Variants in CARMIL1 observed in about 807,000 individuals in gnomAD.
CARMIL1 encodes capping protein regulator and myosin 1 linker 1.
CARMIL1 carries 90 observed loss-of-function variants against 177.1 expected under a neutral mutation model. The ratio of observed to expected loss-of-function variants is 0.51; its 90% CI spans 0.43 to 0.61. CARMIL1 has a LOEUF of 0.61. Among genes scored for constraint, CARMIL1 ranks in the 20% least tolerant of loss-of-function variants. CARMIL1 has a pLI of 0.00. For missense variants in CARMIL1, 1,380 were observed against 1,667.0 expected, an observed-to-expected ratio of 0.83 and a Z score of 3.00; for synonymous variants, 577 against 606.2, an observed-to-expected ratio of 0.95 and a Z score of 0.71.
At chr6:25,609,953 T>A in intron 35 of CARMIL1, 97 bp from the exon 36 acceptor site, 3 of 1,360,314 alleles carry the variant, frequency 2.2e-6, no homozygotes, top group Non-Finnish European at 2.9e-6. Context: ...GCTTTATTTT[T>A]TTAAATGACT....
Position 25,491,350 on chromosome 6 carries a change from T to C in CARMIL1, c.1066-382T>C, listed in dbSNP as rs186534702. Reference sequence around the variant, plus strand: ...CAGATTCGTAGTTCTGCAAACACTTTCAAAAGTGATTAGCATTTTGATAGA... The same window carrying C: ...CAGATTCGTAGTTCTGCAAACACTTCCAAAAGTGATTAGCATTTTGATAGA... On this transcript the variant is annotated intron_variant, in intron 13 of 36. Transcript: ENST00000329474. 2.1e-3 allele frequency among the ~76,000 whole-genome samples: 320 copies of C among 152,310 alleles called. 5 individuals carry two copies. The highest frequency in any genetic ancestry group is 2.9e-4 in the Non-Finnish European group (20 of 68,020).
intron 2 of CARMIL1, among the ~76,000 whole-genome samples, chr6:25,408,302 A>T (rs1235647954): frequency 2.6e-5 from 4 of 151,640 alleles, no homozygotes; most frequent in Non-Finnish European, 4.4e-5. Flanking sequence ...TAAAAAAAAA[A>T]AAAAAAAAAA....
chr6:25,330,854 A>G (rs1383726576), intron 2 of CARMIL1, among the ~76,000 whole-genome samples: 2 of 147,892 alleles, frequency 1.4e-5, no homozygotes, highest in African/African-American at 5.0e-5. Context: ...AGATTGATCA[A>G]TTTTATTATT....
chr6:25,573,590 C>CAAAA (rs5875051), intron 29 of CARMIL1, among the ~76,000 whole-genome samples: 6,061 of 69,724 alleles, frequency 0.087, 341 homozygotes, highest in Non-Finnish European at 0.12. Flanking sequence ...TACCTCTAAG[C>CAAAA]AAAAAAAAAA....
intron 2 of CARMIL1, among the ~76,000 whole-genome samples, chr6:25,294,555 T>G (rs930683857): frequency 1.3e-5 from 2 of 152,222 alleles, no homozygotes; most frequent in Non-Finnish European, 2.9e-5. Flanking sequence ...CCCTGTCTTC[T>G]TTTGAACTGG....
chr6:25,420,419 CCT>C (rs1795751458), intron 3 of CARMIL1: 1 of 427,914 alleles, frequency 2.3e-6, no homozygotes, highest in Non-Finnish European at 4.2e-6. Context: ...TCCTTTGTTC[CCT>C]CTCTTTGTGT....
chr6:25,459,626 T>C (rs1799965059), intron 8 of CARMIL1, among the ~76,000 whole-genome samples: 1 of 152,012 alleles, frequency 6.6e-6, no homozygotes, highest in South Asian at 2.1e-4. Context: ...CTATGTGTAG[T>C]AAATTTACAT....
intron 2 of CARMIL1, among the ~76,000 whole-genome samples, chr6:25,412,914 A>G (rs1795045881): frequency 6.6e-6 from 1 of 152,232 alleles, no homozygotes; most frequent in Non-Finnish European, 1.5e-5. Context: ...AAGGATTTTA[A>G]GTCAGGAATT....
chr6:25,524,431 C>T (rs1028472274), intron 23 of CARMIL1, among the ~76,000 whole-genome samples: 1 of 152,148 alleles, frequency 6.6e-6, no homozygotes, highest in South Asian at 2.1e-4. Flanking sequence ...AGCAAGGACA[C>T]TAGAGGAAAT....
chr6:25,569,138 AATG>A (rs1244697063), intron 29 of CARMIL1, among the ~76,000 whole-genome samples: 5 of 152,230 alleles, frequency 3.3e-5, no homozygotes, highest in African/African-American at 7.2e-5. Context: ...AGAGTGTATG[AATG>A]ATGATCTGAA....
Position 25,472,474 on chromosome 6 carries a change from CA to C in CARMIL1, c.828del (p.Gly277AspfsTer20). On this transcript the variant is annotated frameshift_variant, in exon 11 of 37. Coordinates refer to ENST00000329474, the MANE Select transcript of CARMIL1 (RefSeq NM_017640.6). LOFTEE classifies it high-confidence loss of function. Reference protein sequence around the residue: ...LASALAHNPNSGLHTINLAGN... With the variant: ...LASALAHNPNXGLHTINLAGN... ...AGTGCTCTAGCACATAATCCCAACTCAGGACTCCACACAATTAACCTTGCTG... is the reference window on the plus strand; with the variant it reads ...AGTGCTCTAGCACATAATCCCAACTCGGACTCCACACAATTAACCTTGCTG... The C allele has an allele frequency of 6.3e-7, 1 of 1,583,910 alleles. No homozygotes were observed.
At chr6:25,284,933 T>A in intron 2 of CARMIL1, 24 bp downstream of exon 2, 1 of 1,371,998 alleles carries the variant, frequency 7.3e-7, no homozygotes, top group South Asian at 1.3e-5. Flanking sequence ...TTTATTTTTA[T>A]TAAATGTTTG....
chr6:25,514,632 A>T (rs1407193699), intron 20 of CARMIL1, among the ~76,000 whole-genome samples: 1 of 151,840 alleles, frequency 6.6e-6, no homozygotes, highest in Non-Finnish European at 1.5e-5. Flanking sequence ...CTTAACAGAT[A>T]AAGTTAAGGC....
At chr6:25,523,004 GC>G (rs1806725366) in intron 23 of CARMIL1, among the ~76,000 whole-genome samples, 1 of 152,156 alleles carries the variant, frequency 6.6e-6, no homozygotes, top group Non-Finnish European at 1.5e-5. Flanking sequence ...TCACTATGTT[GC>G]CCAAGCTGGT....
intron 12 of CARMIL1, 85 bp downstream of exon 12, chr6:25,482,428 T>A: frequency 1.7e-6 from 1 of 603,852 alleles, no homozygotes; most frequent in Non-Finnish European, 2.8e-6. Context: ...TTGTTACATT[T>A]AAAAATACAT....
intron 2 of CARMIL1, among the ~76,000 whole-genome samples, chr6:25,368,165 C>T (rs1790038515): frequency 6.6e-6 from 1 of 152,208 alleles, no homozygotes; most frequent in South Asian, 2.1e-4. Flanking sequence ...GCAGAGAACC[C>T]TGATCCTTAC....
chr6:25,489,559 G>T (rs946648930), intron 13 of CARMIL1, among the ~76,000 whole-genome samples: 2 of 152,098 alleles, frequency 1.3e-5, no homozygotes, highest in African/African-American at 4.8e-5. Context: ...CACCAAGATA[G>T]AATTGTTTCT....
rs3915740 is a variant in CARMIL1 at position 25,509,823 on chromosome 6, A to G, written c.1477+86A>G. 0.41 allele frequency: 373,512 copies of G among 913,732 alleles called. 79,031 individuals carry two copies. Among genetic ancestry groups the G allele is most frequent in the Middle Eastern group, 0.54 (2,447 of 4,518 alleles). The allele number at this position is 913,732 out of a possible 1,614,324, so 56.6% of individuals were successfully genotyped here. A position where few individuals can be genotyped will look rare whatever the true frequency, so the allele number is the denominator to read the frequency against. On this transcript the variant is annotated intron_variant, in intron 18 of 36. Coordinates refer to ENST00000329474, the MANE Select transcript of CARMIL1 (RefSeq NM_017640.6). The surrounding 1 kb of genome is among the most constrained non-coding windows in gnomAD (Gnocchi z 4.1). ...GAAAATAATCTTCTACCCAAATCCAAACAATAGCTTAATAAAAAAATTGTT... is the reference window on the plus strand; with the variant it reads ...GAAAATAATCTTCTACCCAAATCCAGACAATAGCTTAATAAAAAAATTGTT...
chr6:25,515,478 G>T lies in CARMIL1; in HGVS notation c.1633-197G>T, dbSNP rs1404245254. Among the ~76,000 whole-genome samples the T allele has an allele frequency of 6.6e-6, 1 of 152,130 alleles. No individual in the cohort carries two copies. Among genetic ancestry groups the T allele is most frequent in the Non-Finnish European group, 1.5e-5 (1 of 68,034 alleles). On this transcript the variant is annotated intron_variant, in intron 20 of 36. Coordinates refer to ENST00000329474, the MANE Select transcript of CARMIL1 (RefSeq NM_017640.6). The surrounding 1 kb of genome is among the most constrained non-coding windows in gnomAD (Gnocchi z 5.0). ...GTAGGTATTCAGCATTAAAACACAAGTTCTCCATCTTTGACTCCAGCGGTC... is the reference window on the plus strand; with the variant it reads ...GTAGGTATTCAGCATTAAAACACAATTTCTCCATCTTTGACTCCAGCGGTC...
Sources: allele counts gnomAD v4.1 joint callset (sites outside exome capture counted in the v4.1 genomes callset), GRCh38; gene constraint gnomAD v4.1.1; non-coding constraint Gnocchi (gnomAD v3.1); transcripts MANE v1.5; gene names NCBI Gene and HGNC (gene_info 2026-07-23, HGNC 2026-07-21).